RYR3: variants seen among roughly 807,000 people sequenced by gnomAD.
The protein encoded by RYR3 is brain ryanodine receptor-calcium release channel.
Under a neutral mutation model 584.3 loss-of-function variants are expected in RYR3, and 207 were observed. That is an observed-to-expected ratio of 0.35 (90% CI 0.32 to 0.40). The LOEUF (loss-of-function observed/expected upper bound fraction) is 0.40. Among genes scored for constraint, RYR3 ranks in the 10% least tolerant of loss-of-function variants. The pLI is 1.00. For synonymous variants in RYR3, 2,416 were observed against 2,248.5 expected, an observed-to-expected ratio of 1.07 and a Z score of -2.11; for missense variants, 5,616 against 6,089.2, an observed-to-expected ratio of 0.92 and a Z score of 2.59.
chr15:33,382,319 C>CTTTTTTGTTTTTTTTTT (rs2041248964), intron 1 of RYR3, among the ~76,000 whole-genome samples: 1 of 104,780 alleles, frequency 9.5e-6, no homozygotes, highest in African/African-American at 4.1e-5. Context: ...TTAAAAGTGG[C>CTTTTTTGTTTTTTTTTT]TTTTTTTTTT....
At chr15:33,675,448 A>G (rs1303149575) in intron 38 of RYR3, among the ~76,000 whole-genome samples, 1 of 152,222 alleles carries the variant, frequency 6.6e-6, no homozygotes, top group Non-Finnish European at 1.5e-5. Flanking sequence ...TGCCCCCTAT[A>G]GGCAATGGCT....
At chr15:33,738,686 A>G (rs12907197) in intron 50 of RYR3, 96 bp downstream of exon 50, 441,920 of 1,398,986 alleles carry the variant, frequency 0.32, 73,101 homozygotes, top group East Asian at 0.51. Flanking sequence ...TCCATTTGCC[A>G]GGACCTGTGC....
chr15:33,697,244 T>C (rs2065916738), intron 39 of RYR3, among the ~76,000 whole-genome samples: 1 of 152,208 alleles, frequency 6.6e-6, no homozygotes. Context: ...CACTCATTCG[T>C]CAAACTCATT....
At chr15:33,706,282 TCAATA>T (rs1333927576) in intron 42 of RYR3, among the ~76,000 whole-genome samples, 3 of 152,212 alleles carry the variant, frequency 2.0e-5, no homozygotes, top group South Asian at 4.1e-4. Context: ...TGTGTAGTAT[TCAATA>T]CTTTTGTAAT....
intron 1 of RYR3, among the ~76,000 whole-genome samples, chr15:33,352,200 T>C (rs1973371509): frequency 6.6e-6 from 1 of 152,202 alleles, no homozygotes. Context: ...TTTCAGTCTT[T>C]ATCAAATCCT....
chr15:33,486,835 G>A (rs2050468891), intron 2 of RYR3, among the ~76,000 whole-genome samples: 2 of 152,174 alleles, frequency 1.3e-5, no homozygotes, highest in Admixed American at 6.5e-5. Context: ...AAGAGAAGCA[G>A]GGTCCTTTGG....
intron 19 of RYR3, among the ~76,000 whole-genome samples, chr15:33,619,914 C>T (rs1028186905): frequency 4.6e-5 from 7 of 152,096 alleles, no homozygotes; most frequent in Admixed American, 6.5e-5. Context: ...TTCTGGGACC[C>T]TTTTGTAGTT....
Position 33,818,671 on chromosome 15 carries a change from C to G in RYR3, c.10693C>G (p.Leu3565Val), listed in dbSNP as rs111761846. ...QIILYFSRNA[L>V]TERSKLEDDP... Reference sequence around the variant, plus strand: ...CATTCTCTATTTTAGCCGCAACGCTCTCACGGAGAGGAGGTCAGAACCACC... The same window carrying G: ...CATTCTCTATTTTAGCCGCAACGCTGTCACGGAGAGGAGGTCAGAACCACC... The change falls in exon 76 of 104, where the codon CTC (leucine) becomes GTC (valine). Residue 3565 changes from leucine (L) to valine (V), a missense_variant. By Grantham distance (32) the Leu-to-Val change is conservative. Transcript: ENST00000634891. 84 of 1,613,636 alleles carry G rather than the reference C, an allele frequency of 5.2e-5. No homozygotes were observed. The highest frequency in any genetic ancestry group is 1.7e-4 in the African/African-American group (13 of 75,048).
At position 33,696,430 on chromosome 15, in the gene RYR3, C is replaced by T. The variant is rs1281440819; in HGVS notation, c.6073C>T (p.Arg2025Cys). The change falls in exon 39 of 104, where the codon CGC (arginine) becomes TGC (cysteine). Residue 2025 changes from arginine (R) to cysteine (C), a missense_variant. Arg to Cys is a radical substitution (Grantham distance 180). Around this residue, in one of 9 missense-constraint regions of RYR3, gnomAD observed 1,280 missense variants for 1,426.2 expected, o/e 0.90. Coordinates refer to ENST00000634891, the MANE Select transcript of RYR3 (RefSeq NM_001036.6). ...CCTGCTGGCTGCCCTGGGCCAAATC[C>T]GCTCCCTCCTCAGTGTCAGGATGGG... ...INLLAALGQI[R>C]SLLSVRMGKE... The T allele has an allele frequency of 1.2e-5, 19 of 1,613,786 alleles. No individual in the cohort carries two copies. The East Asian group carries it at 1.6e-4, about 13-fold the overall frequency.
chr15:33,773,991 C>T (rs1402607673), intron 64 of RYR3, among the ~76,000 whole-genome samples: 3 of 152,182 alleles, frequency 2.0e-5, no homozygotes, highest in Non-Finnish European at 2.9e-5. Context: ...GGACATGAGG[C>T]AGTTGCTTTA....
In RYR3 at chr15:33,674,392, C is replaced by G. The variant is rs143774506; in HGVS notation, c.5860+3836C>G. Among the ~76,000 whole-genome samples the G allele has an allele frequency of 4.8e-3, 737 of 152,296 alleles. 3 individuals carry two copies. Among genetic ancestry groups the G allele is most frequent in the Non-Finnish European group, 7.9e-3 (535 of 68,024 alleles). On this transcript the variant is annotated intron_variant, in intron 38 of 103. Coordinates refer to ENST00000634891, the MANE Select transcript of RYR3 (RefSeq NM_001036.6). Reference sequence around the variant, plus strand: ...CTCTGTGAAGTCTTTCAAACTCATTCTTTTTCCCTCTACCCCTTCCATATT... The same window carrying G: ...CTCTGTGAAGTCTTTCAAACTCATTGTTTTTCCCTCTACCCCTTCCATATT...
intron 65 of RYR3, among the ~76,000 whole-genome samples, chr15:33,782,772 A>G (rs554127302): frequency 2.0e-5 from 3 of 152,334 alleles, no homozygotes; most frequent in African/African-American, 7.2e-5. Flanking sequence ...TTGCCAGCAG[A>G]ATTACTCAGA....
At chr15:33,584,122 C>T (rs566782577) in intron 14 of RYR3, among the ~76,000 whole-genome samples, 2 of 152,142 alleles carry the variant, frequency 1.3e-5, no homozygotes, top group South Asian at 4.2e-4. Context: ...CCTGTAGTCT[C>T]AGCTACTCTG....
intron 14 of RYR3, 49 bp downstream of exon 14, chr15:33,581,692 T>G: frequency 6.5e-7 from 1 of 1,533,078 alleles, no homozygotes; most frequent in South Asian, 1.1e-5. Flanking sequence ...CCATGGGATT[T>G]CCACGTGCAA....
intron 1 of RYR3, among the ~76,000 whole-genome samples, chr15:33,452,875 C>T (rs1047853966): frequency 5.9e-5 from 9 of 152,094 alleles, no homozygotes; most frequent in Admixed American, 2.6e-4. Context: ...TTAAAAACAC[C>T]GTAATACTTT....
At chr15:33,643,198 G>C (rs1434992237) in intron 27 of RYR3, among the ~76,000 whole-genome samples, 1 of 152,076 alleles carries the variant, frequency 6.6e-6, no homozygotes, top group Non-Finnish European at 1.5e-5. Context: ...ACTTTCTTCT[G>C]TAGGGAACTC....
intron 1 of RYR3, among the ~76,000 whole-genome samples, chr15:33,366,378 G>A (rs879873278): frequency 5.9e-5 from 9 of 152,062 alleles, no homozygotes; most frequent in Non-Finnish European, 1.0e-4. Context: ...ATGGCATAAA[G>A]CTTTCAACAG....
intron 1 of RYR3, among the ~76,000 whole-genome samples, chr15:33,436,159 C>A (rs925608518): frequency 6.6e-6 from 1 of 152,152 alleles, no homozygotes; most frequent in Non-Finnish European, 1.5e-5. Flanking sequence ...AGGTTGTGTT[C>A]ATTTGAGTTG....
At chr15:33,822,272 G>T (rs185063986) in intron 80 of RYR3, among the ~76,000 whole-genome samples, 15 of 152,270 alleles carry the variant, frequency 9.9e-5, no homozygotes, top group African/African-American at 2.9e-4. Flanking sequence ...AGGCACTCCG[G>T]GTTCTGGTTA....
Sources: gnomAD v4.1 joint callset for allele counts (sites outside exome capture counted in the v4.1 genomes callset) on GRCh38, gnomAD v4.1.1 for gene constraint, gnomAD v4.1.1 regional missense constraint, MANE v1.5 for transcripts, NCBI Gene and HGNC (gene_info 2026-07-23, HGNC 2026-07-21) for gene names.